The following DENND1B variants were observed in gnomAD, a reference collection of about 807,000 sequenced individuals.
DENND1B encodes DENN domain-containing protein 1B.
A neutral mutation model predicts 90.1 loss-of-function variants in DENND1B; 59 were observed. The ratio of observed to expected loss-of-function variants is 0.65; its 90% CI spans 0.53 to 0.81. The LOEUF (loss-of-function observed/expected upper bound fraction) is 0.81. Ranked by LOEUF, DENND1B falls within the 40% of genes least tolerant of loss-of-function variation. The pLI, the probability that DENND1B is intolerant of heterozygous loss-of-function variation, is 0.00. For missense variants in DENND1B, 862 were observed against 912.6 expected, an observed-to-expected ratio of 0.94 and a Z score of 0.71; for synonymous variants, 337 against 324.6, an observed-to-expected ratio of 1.04 and a Z score of -0.41.
At chr1:197,666,703 T>C (rs1364754664) in intron 5 of DENND1B, among the ~76,000 whole-genome samples, 1 of 152,236 alleles carries the variant, frequency 6.6e-6, no homozygotes, top group African/African-American at 2.4e-5. Flanking sequence ...TCTTCTCTCA[T>C]ATACTTCTGG....
intron 15 of DENND1B, among the ~76,000 whole-genome samples, chr1:197,556,092 T>G (rs1409472293): frequency 1.3e-5 from 2 of 151,994 alleles, no homozygotes; most frequent in Non-Finnish European, 2.9e-5. Flanking sequence ...TTAAGCAAAT[T>G]CATGCAGAAA....
At chr1:197,691,203 T>C (rs1457855089) in intron 3 of DENND1B, among the ~76,000 whole-genome samples, 1 of 148,360 alleles carries the variant, frequency 6.7e-6, no homozygotes, top group Non-Finnish European at 1.5e-5. Context: ...TTGCAAACCA[T>C]ACATATGATA....
intron 2 of DENND1B, among the ~76,000 whole-genome samples, chr1:197,721,062 G>A (rs1370235444): frequency 2.2e-5 from 3 of 133,622 alleles, no homozygotes; most frequent in Non-Finnish European, 3.1e-5. Context: ...CCTGAGAAAC[G>A]GCATTTTTTT....
At chr1:197,666,744 G>A (rs1654972821) in intron 5 of DENND1B, among the ~76,000 whole-genome samples, 1 of 152,168 alleles carries the variant, frequency 6.6e-6, no homozygotes, top group Non-Finnish European at 1.5e-5. Flanking sequence ...AAGGAAGCTG[G>A]CCTGTAAATT....
chr1:197,677,085 T>C (rs1241492736), intron 3 of DENND1B, among the ~76,000 whole-genome samples: 2 of 152,172 alleles, frequency 1.3e-5, no homozygotes, highest in African/African-American at 2.4e-5. Context: ...TGAATTTATC[T>C]GAGAATAATC....
At chr1:197,684,760 A>G (rs1458142802) in intron 3 of DENND1B, among the ~76,000 whole-genome samples, 1 of 152,182 alleles carries the variant, frequency 6.6e-6, no homozygotes, top group Non-Finnish European at 1.5e-5. Flanking sequence ...TAGACTTATA[A>G]ATAAGAGCTT....
At chr1:197,600,410 G>A (rs2125821805) in intron 13 of DENND1B, among the ~76,000 whole-genome samples, 1 of 151,752 alleles carries the variant, frequency 6.6e-6, no homozygotes, top group African/African-American at 2.4e-5. Flanking sequence ...GTGAGTTGAG[G>A]AACATGACAT....
rs752412481 is a variant in DENND1B, at chr1:197,511,717, A to T, written c.1815+11T>A. On this transcript the variant is annotated intron_variant, in intron 22 of 22. Transcript: ENST00000620048. ...TCTTCTAATTTTATAAGTAAAAAAA[A>T]ATCTACTAACCGTAGGTTTGTAATC... 8.3e-6 allele frequency: 13 copies of T among 1,567,442 alleles called. No homozygotes were observed. The South Asian group carries it at 1.5e-4, about 17-fold the overall frequency.
chr1:197,690,888 T>C (rs1048520286), intron 3 of DENND1B, among the ~76,000 whole-genome samples: 1 of 150,090 alleles, frequency 6.7e-6, no homozygotes, highest in South Asian at 2.1e-4. Flanking sequence ...CAAAAAAAAA[T>C]CTGTCATAGA....
intron 3 of DENND1B, among the ~76,000 whole-genome samples, chr1:197,686,576 T>C (rs545271091): frequency 6.6e-6 from 1 of 152,284 alleles, no homozygotes; most frequent in Non-Finnish European, 1.5e-5. Context: ...GACTTTAACA[T>C]GTGTTTATTA....
chr1:197,560,174 A>G (rs912652814), intron 15 of DENND1B, among the ~76,000 whole-genome samples: 2 of 151,952 alleles, frequency 1.3e-5, no homozygotes, highest in African/African-American at 2.4e-5. Context: ...ATAATGTGCT[A>G]AAGAATTTAG....
intron 3 of DENND1B, among the ~76,000 whole-genome samples, chr1:197,696,888 A>T (rs970225977): frequency 6.7e-6 from 1 of 149,570 alleles, no homozygotes; most frequent in African/African-American, 2.5e-5. Flanking sequence ...AGAGACAGAG[A>T]CATGCAAAAA....
chr1:197,670,944 T>TG (rs1258308149), intron 5 of DENND1B, among the ~76,000 whole-genome samples: 1 of 152,082 alleles, frequency 6.6e-6, no homozygotes, highest in Non-Finnish European at 1.5e-5. Flanking sequence ...AAAGAGAGAA[T>TG]GGGGGCACAT....
chr1:197,713,825 TTA>T (rs1194905821), intron 3 of DENND1B, among the ~76,000 whole-genome samples: 1 of 44,924 alleles, frequency 2.2e-5, no homozygotes, highest in Non-Finnish European at 4.3e-5. Flanking sequence ...ATATAATATA[TTA>T]TATATAATAT....
At chr1:197,545,735 G>T (rs1052265269) in intron 18 of DENND1B, 187 bp downstream of exon 18, 38 of 511,648 alleles carry the variant, frequency 7.4e-5, no homozygotes, top group South Asian at 6.2e-4. Flanking sequence ...TTATATAAAA[G>T]AAACTACCCT....
intron 10 of DENND1B, among the ~76,000 whole-genome samples, chr1:197,625,058 G>A (rs984560857): frequency 3.9e-5 from 6 of 152,048 alleles, no homozygotes; most frequent in African/African-American, 1.4e-4. Flanking sequence ...ACCTGGAAGT[G>A]ACAGGGAGAA....
intron 11 of DENND1B, among the ~76,000 whole-genome samples, chr1:197,614,812 A>T (rs187498018): frequency 6.6e-6 from 1 of 151,088 alleles, no homozygotes; most frequent in Non-Finnish European, 1.5e-5. Flanking sequence ...AAGAAGAGTC[A>T]TATAGCCTAA....
intron 15 of DENND1B, among the ~76,000 whole-genome samples, chr1:197,560,290 C>G (rs891647562): frequency 6.6e-5 from 10 of 151,838 alleles, no homozygotes; most frequent in Non-Finnish European, 1.2e-4. Flanking sequence ...TTCCTAGACA[C>G]CTGAAATACA....
chr1:197,623,272 AATAACT>A (rs1281315400), intron 10 of DENND1B, among the ~76,000 whole-genome samples: 2 of 151,560 alleles, frequency 1.3e-5, no homozygotes, highest in Non-Finnish European at 3.0e-5. Flanking sequence ...AAGCATCATA[AATAACT>A]ATAAGTATAA....
Sources: gnomAD v4.1 joint callset for allele counts (sites outside exome capture counted in the v4.1 genomes callset) on GRCh38, gnomAD v4.1.1 for gene constraint, MANE v1.5 for transcripts, NCBI Gene and HGNC (gene_info 2026-07-23, HGNC 2026-07-21) for gene names.